The following COMMD9 variants were observed in gnomAD, a reference collection of about 807,000 sequenced individuals.
COMMD9 encodes COMM domain containing 9, also known as COMM domain-containing protein 9.
Under a neutral mutation model 23.4 loss-of-function variants are expected in COMMD9, and 22 were observed. The ratio of observed to expected loss-of-function variants is 0.94; its 90% CI spans 0.67 to 1.34. The LOEUF (loss-of-function observed/expected upper bound fraction) is 1.34, where lower values mean the gene tolerates loss of function less well. Among genes scored for constraint, COMMD9 ranks in the 40% most tolerant of loss-of-function variants. The pLI, the probability that COMMD9 is intolerant of heterozygous loss-of-function variation, is 0.00. For synonymous variants in COMMD9, 99 were observed against 97.4 expected (o/e 1.02, Z -0.10); for missense variants, 231 against 240.2 (o/e 0.96, Z 0.25).
At position 36,273,194 on chromosome 11, in the gene COMMD9, T is replaced by C. The variant is rs910849018; in HGVS notation, c.*1438A>G. ...TGAGAAGCAGAGCTGGCTTCTGACC[T>C]TGGCTGCCTGACTCCTGACAGCATA... On this transcript the variant is annotated 3_prime_UTR_variant, in exon 6 of 6. Transcript: ENST00000263401. 2 of 152,284 alleles carry C rather than the reference T, an allele frequency of 1.3e-5. No individual in the cohort carries two copies. The highest frequency in any genetic ancestry group is 3.4e-3 in the Middle Eastern group (1 of 294). 9.4% of individuals were successfully genotyped at this position (152,284 alleles called of 1,614,324 possible). A position where few individuals can be genotyped will look rare whatever the true frequency, so the allele number is the denominator to read the frequency against.
Position 36,276,139 on chromosome 11 carries a change from T to G in COMMD9, c.454A>C (p.Lys152Gln). The G allele has an allele frequency of 6.2e-7, 1 of 1,611,186 alleles. No homozygotes were observed. The highest frequency in any genetic ancestry group is 8.5e-7 in the Non-Finnish European group (1 of 1,177,370). Residue 152 changes from lysine (K) to glutamine (Q), a missense_variant and splice_region_variant, in exon 5 of 6, where the codon AAG becomes CAG. Physicochemically the swap from Lys to Gln is moderately conservative, Grantham distance 53 (BLOSUM62 1). Transcript: ENST00000263401. ...MAVPTCLLQM[K>Q]IQEDPSLCGD... ...TAATGGCATGATAGTGAATGTACCT[T>G]CATCTGGAGCAGGCAGGTGGGGACG...
At chr11:36,278,643 G>C in intron 2 of COMMD9, 27 bp from the exon 3 acceptor site, 1 of 1,608,998 alleles carries the variant, frequency 6.2e-7, no homozygotes, top group Non-Finnish European at 8.5e-7. Flanking sequence ...ACCACCTGTA[G>C]CTGTAACAGA....
chr11:36,289,121 G>A (rs961617566), intron 1 of COMMD9, among the ~76,000 whole-genome samples: 1 of 152,160 alleles, frequency 6.6e-6, no homozygotes, highest in Non-Finnish European at 1.5e-5. Context: ...ATAGCAGGAG[G>A]TTGTACTGCG....
intron 4 of COMMD9, chr11:36,276,530 G>C: frequency 2.9e-6 from 1 of 344,494 alleles, no homozygotes. Context: ...ACATAAAGCA[G>C]AGAAGAAATC....
chr11:36,286,408 AAAAAAGAAAG>A (rs1565358680), intron 1 of COMMD9, among the ~76,000 whole-genome samples: 2 of 86,280 alleles, frequency 2.3e-5, no homozygotes, highest in African/African-American at 8.6e-5. Context: ...AAAAAAAAAA[AAAAAAGAAAG>A]AAAGAAAGAA....
intron 1 of COMMD9, among the ~76,000 whole-genome samples, chr11:36,285,332 C>G (rs894592651): frequency 6.6e-6 from 1 of 152,034 alleles, no homozygotes; most frequent in Non-Finnish European, 1.5e-5. Flanking sequence ...TCTGAATAGT[C>G]CTATGACTAT....
intron 4 of COMMD9, chr11:36,276,457 C>T: frequency 2.1e-6 from 1 of 485,222 alleles, no homozygotes; most frequent in Admixed American, 3.3e-5. Flanking sequence ...TTCACAGTGG[C>T]AGCGTATCCA....
At chr11:36,278,210 C>CA (rs1472806807) in intron 3 of COMMD9, 4 of 363,712 alleles carry the variant, frequency 1.1e-5, no homozygotes, top group African/African-American at 8.7e-5. Context: ...TACAAAACAG[C>CA]ATGATCCATT....
At chr11:36,287,138 C>T (rs11033533) in intron 1 of COMMD9, among the ~76,000 whole-genome samples, 37,361 of 39,340 alleles carry the variant, frequency 0.95, 17,766 homozygotes, top group Middle Eastern at 1. Context: ...ATGTATATCG[C>T]GTAGTATGTA....
At chr11:36,284,810 T>A (rs952252570) in intron 1 of COMMD9, among the ~76,000 whole-genome samples, 3 of 152,202 alleles carry the variant, frequency 2.0e-5, no homozygotes, top group Non-Finnish European at 4.4e-5. Context: ...AGGGATATTT[T>A]AAAAATTACA....
Position 36,278,536 on chromosome 11 carries a change from A to G in COMMD9, c.258T>C (p.Phe86=). 3 of 1,614,014 alleles carry G rather than the reference A, an allele frequency of 1.9e-6. No individual in the cohort carries two copies. The highest frequency in any genetic ancestry group is 2.5e-6 in the Non-Finnish European group (3 of 1,179,828). The change falls in exon 3 of 6, where the codon TTT becomes TTC. Residue 86 remains phenylalanine, a synonymous_variant. Coordinates refer to ENST00000263401, the MANE Select transcript of COMMD9 (RefSeq NM_014186.4). ...LSSAEAILAL[F]PENFHQNLKN... is the part of the protein sequence containing the mutation. Reference sequence around the variant, plus strand: ...TGAGGTTTTGGTGGAAATTTTCTGGAAAGAGAGCCAGAATTGCCTCGGCAG... The same window carrying G: ...TGAGGTTTTGGTGGAAATTTTCTGGGAAGAGAGCCAGAATTGCCTCGGCAG...
At chr11:36,280,860 G>GAAA (rs368958974) in intron 1 of COMMD9, 23 bp from the exon 2 acceptor site, 3 of 1,263,040 alleles carry the variant, frequency 2.4e-6, no homozygotes, top group East Asian at 3.0e-5. Flanking sequence ...TCACAGATAG[G>GAAA]AAAAAAAAAA....
intron 1 of COMMD9, 114 bp from the exon 2 acceptor site, chr11:36,280,951 A>T: frequency 9.0e-7 from 1 of 1,108,468 alleles, no homozygotes; most frequent in Non-Finnish European, 1.2e-6. Flanking sequence ...TTTTAAAGGT[A>T]CATAAGACTT....
chr11:36,286,081 G>A (rs889234361), intron 1 of COMMD9, among the ~76,000 whole-genome samples: 1 of 152,090 alleles, frequency 6.6e-6, no homozygotes, highest in Non-Finnish European at 1.5e-5. Flanking sequence ...AGATCAGAAA[G>A]GAAGAAATAA....
chr11:36,288,359 T>TTAAA (rs1554981279), intron 1 of COMMD9, among the ~76,000 whole-genome samples: 1 of 141,658 alleles, frequency 7.1e-6, no homozygotes, highest in South Asian at 2.3e-4. Context: ...ACCTGGTGTT[T>TTAAA]AAAAAAAAAA....
At chr11:36,281,624 C>T (rs539910747) in intron 1 of COMMD9, among the ~76,000 whole-genome samples, 3 of 152,316 alleles carry the variant, frequency 2.0e-5, no homozygotes, top group South Asian at 4.1e-4. Context: ...ACTTCAACTT[C>T]CACCTGATAG....
chr11:36,277,375 G>A (rs1235031169), intron 3 of COMMD9, among the ~76,000 whole-genome samples: 1 of 152,178 alleles, frequency 6.6e-6, no homozygotes, highest in Non-Finnish European at 1.5e-5. Context: ...ACAATGTATT[G>A]TAATCTTATT....
At chr11:36,278,980 CAG>C (rs1432483384) in intron 2 of COMMD9, among the ~76,000 whole-genome samples, 1 of 152,186 alleles carries the variant, frequency 6.6e-6, no homozygotes, top group Admixed American at 6.5e-5. Context: ...AGTGCAAAGT[CAG>C]CTGTGTTACT....
chr11:36,285,631 T>C (rs1053117153), intron 1 of COMMD9, among the ~76,000 whole-genome samples: 1 of 151,764 alleles, frequency 6.6e-6, no homozygotes. Context: ...TAATGGCAAA[T>C]AGAGATCAGT....
Sources: allele counts gnomAD v4.1 joint callset (sites outside exome capture counted in the v4.1 genomes callset), GRCh38; gene constraint gnomAD v4.1.1; transcripts MANE v1.5; gene names NCBI Gene and HGNC (gene_info 2026-07-23, HGNC 2026-07-21).